Variants in RYR1 observed in about 807,000 individuals in gnomAD.
RYR1 encodes the protein ryanodine receptor 1, also known as central core disease of muscle.
In RYR1, 342 loss-of-function variants were observed where a neutral mutation model predicts 583.5. The observed-to-expected ratio is 0.59, with a 90% CI of 0.54 to 0.64. RYR1 has a LOEUF of 0.64. Ranked by LOEUF, RYR1 falls within the 30% of genes least tolerant of loss-of-function variation. The pLI is 0.00. For missense variants in RYR1, 6,032 were observed against 6,917.2 expected, an observed-to-expected ratio of 0.87 and a Z score of 4.54; for synonymous variants, 2,791 against 2,822.5, an observed-to-expected ratio of 0.99 and a Z score of 0.35.
chr19:38,464,917 C>CAG (rs980413636), intron 23 of RYR1, among the ~76,000 whole-genome samples, 195 bp downstream of exon 23: 7 of 150,780 alleles, frequency 4.6e-5, no homozygotes, highest in African/African-American at 1.2e-4. Context: ...TTAGGAGTTT[C>CAG]AGAGAGAGAG....
rs1966905386 is a variant in RYR1 at position 38,448,495 on chromosome 19, G to A, written c.941G>A (p.Cys314Tyr). ...SKAHTKATSF[C>Y]FRISKEKLDV... ...GCTCACACCAAGGCTACCTCCTTCT[G>A]CTTCCGCATCTCCAAGGTCAGTGGG... The change falls in exon 10 of 106, where the codon TGC becomes TAC. Residue 314 changes from cysteine (C) to tyrosine (Y), a missense_variant. Coordinates refer to ENST00000359596, the MANE Select transcript of RYR1 (RefSeq NM_000540.3). 6.2e-7 allele frequency: 1 copy of A among 1,613,908 alleles called. No homozygotes were observed. The highest frequency in any genetic ancestry group is 1.3e-5 in the African/African-American group (1 of 74,906).
Position 38,586,567 on chromosome 19 carries a change from C to T in RYR1, c.15012C>T (p.His5004=). The change falls in exon 105 of 106, where the codon CAC becomes CAT. Residue 5004 remains histidine, a synonymous_variant. Coordinates refer to ENST00000359596, the MANE Select transcript of RYR1 (RefSeq NM_000540.3). ...TGATAAACAAGGATGAGACAGAACA[C>T]ACGGGTCAGGTAAGGGGGTGTTAAT... The part of the protein sequence containing the change: ...MYLINKDETE[H]TGQESYVWKM... 1 of 1,614,112 alleles carries T rather than the reference C, an allele frequency of 6.2e-7. No homozygotes were observed. The highest frequency in any genetic ancestry group is 8.5e-7 in the Non-Finnish European group (1 of 1,179,962).
chr19:38,498,979 A>G, intron 42 of RYR1, 129 bp from the exon 43 acceptor site: 2 of 1,222,968 alleles, frequency 1.6e-6, no homozygotes, highest in East Asian at 2.5e-5. Flanking sequence ...GACCAGGGCT[A>G]ATGGGCCGAG....
At chr19:38,491,639 A>T (rs59419359) in intron 37 of RYR1, among the ~76,000 whole-genome samples, 6,300 of 152,052 alleles carry the variant, frequency 0.041, 405 homozygotes, top group African/African-American at 0.14. Context: ...CATATTGCCC[A>T]GGCTGGTCTT....
At chr19:38,507,669 G>C in intron 57 of RYR1, 43 bp from the exon 58 acceptor site, 1 of 1,257,228 alleles carries the variant, frequency 8.0e-7, no homozygotes. Context: ...GAAACTGTAG[G>C]GCCGGCGTCT....
intron 94 of RYR1, among the ~76,000 whole-genome samples, chr19:38,571,461 C>T (rs982930564): frequency 3.3e-5 from 5 of 152,016 alleles, no homozygotes; most frequent in Non-Finnish European, 5.9e-5. Context: ...GGTGAAACCC[C>T]GTCTCTACTA....
In RYR1 at chr19:38,514,890, G is replaced by C. The variant is rs142093535; in HGVS notation, c.9473-136G>C. ...AGTTGGTAACTTGCTCAAGTCACAAGACTCGTACATGGAAGGCTGGCTGTA... is the reference window on the plus strand; with the variant it reads ...AGTTGGTAACTTGCTCAAGTCACAACACTCGTACATGGAAGGCTGGCTGTA... On this transcript the variant is annotated intron_variant, in intron 63 of 105. Coordinates refer to ENST00000359596, the MANE Select transcript of RYR1 (RefSeq NM_000540.3). 1,071 of 698,134 alleles carry C rather than the reference G, an allele frequency of 1.5e-3. 9 individuals carry two copies. The African/African-American group carries it at 0.017, about 11-fold the overall frequency. The allele number at this position is 698,134 out of a possible 1,614,324, so 43.2% of individuals were successfully genotyped here.
Position 38,516,117 on chromosome 19 carries a change from C to T in RYR1, c.9585C>T (p.Ala3195=), listed in dbSNP as rs1970955862. The change falls in exon 65 of 106, where the codon GCC becomes GCT. Residue 3195 remains alanine (A), a synonymous_variant. Transcript: ENST00000359596. ...GGCCAGCCCTCGGGGAGTGCCTGGC[C>T]CGTCTGGCAGCAGCCATGCCGGTGG... ...KLRPALGECL[A]RLAAAMPVAF... 6.5e-7 allele frequency: 1 copy of T among 1,549,894 alleles called. No individual in the cohort carries two copies. The highest frequency in any genetic ancestry group is 1.4e-5 in the African/African-American group (1 of 73,180).
At chr19:38,534,698 A>G (rs779483905) in intron 78 of RYR1, 22 bp from the exon 79 acceptor site, 15 of 1,607,910 alleles carry the variant, frequency 9.3e-6, no homozygotes, top group Middle Eastern at 1.6e-4. Flanking sequence ...ACTTGCCTTC[A>G]TGTGTCTGCC....
At chr19:38,453,757 G>A (rs1967216359) in intron 13 of RYR1, among the ~76,000 whole-genome samples, 1 of 152,034 alleles carries the variant, frequency 6.6e-6, no homozygotes, top group Non-Finnish European at 1.5e-5. Flanking sequence ...CCATGAGGTG[G>A]GCGGGTGTTT....
chr19:38,573,692 AC>A (rs1973830428), intron 96 of RYR1, among the ~76,000 whole-genome samples: 1 of 148,990 alleles, frequency 6.7e-6, no homozygotes. Context: ...TTCCCCCCAG[AC>A]AAAAAAAAAA....
At chr19:38,581,867 C>A (rs1462675269) in intron 101 of RYR1, among the ~76,000 whole-genome samples, 1 of 152,102 alleles carries the variant, frequency 6.6e-6, no homozygotes, top group African/African-American at 2.4e-5. Flanking sequence ...CTCGGCCTCC[C>A]AAAGTGCTGG....
chr19:38,539,238 CTTTTTT>C, intron 84 of RYR1, among the ~76,000 whole-genome samples: 1 of 118,714 alleles, frequency 8.4e-6, no homozygotes, highest in Non-Finnish European at 1.8e-5. Context: ...AAGATTTTTT[CTTTTTT>C]TTTTTTTTTT....
chr19:38,436,455 G>A (rs565201561), intron 1 of RYR1, among the ~76,000 whole-genome samples: 55 of 150,818 alleles, frequency 3.6e-4, no homozygotes, highest in African/African-American at 1.1e-3. Context: ...GAAATCCTCC[G>A]GCCTTGGCCT....
intron 67 of RYR1, among the ~76,000 whole-genome samples, chr19:38,521,996 C>G (rs993232210): frequency 4.9e-4 from 75 of 152,184 alleles, no homozygotes; most frequent in South Asian, 1.0e-3. Flanking sequence ...GCATGAGCCA[C>G]TGCGCCCAGC....
Position 38,448,378 on chromosome 19 carries a change from G to A in RYR1, c.824G>A (p.Trp275Ter). The A allele has an allele frequency of 6.2e-7, 1 of 1,610,650 alleles. No homozygotes were observed. ...AGCTGGAGTGGGAGCCACCTGCGCTGGGGCCAGCCACTCCGAGTCCGGCAT... is the reference window on the plus strand; with the variant it reads ...AGCTGGAGTGGGAGCCACCTGCGCTAGGGCCAGCCACTCCGAGTCCGGCAT... The part of the protein sequence containing the change: ...RISWSGSHLR[W>*]GQPLRVRHVT... The change falls in exon 10 of 106, where the codon TGG becomes TAG. Residue 275 changes from tryptophan (W) to a stop codon, truncating the protein, a stop_gained. Transcript: ENST00000359596. LOFTEE classifies it high-confidence loss of function.
intron 33 of RYR1, 119 bp from the exon 34 acceptor site, chr19:38,485,471 G>A: frequency 7.1e-7 from 1 of 1,403,738 alleles, no homozygotes; most frequent in Non-Finnish European, 9.9e-7. Flanking sequence ...GGGGTTTGAA[G>A]GAAAGACGAA....
intron 96 of RYR1, 133 bp from the exon 97 acceptor site, chr19:38,575,786 G>T: frequency 3.2e-6 from 3 of 925,974 alleles, no homozygotes; most frequent in Non-Finnish European, 5.2e-6. Context: ...CTGGGCAACA[G>T]AGTGAGACTC....
At chr19:38,534,463 C>T (rs1971876759) in intron 78 of RYR1, among the ~76,000 whole-genome samples, 1 of 152,150 alleles carries the variant, frequency 6.6e-6, no homozygotes, top group African/African-American at 2.4e-5. Context: ...TCACAGATGG[C>T]CTGGAGGCCC....
Sources: gnomAD v4.1 joint callset for allele counts (sites outside exome capture counted in the v4.1 genomes callset) on GRCh38, gnomAD v4.1.1 for gene constraint, MANE v1.5 for transcripts, NCBI Gene and HGNC (gene_info 2026-07-23, HGNC 2026-07-21) for gene names.